Variants in KHDRBS3 observed in about 807,000 individuals in gnomAD.
The protein encoded by KHDRBS3 is KH RNA binding domain containing, signal transduction associated 3, also known as KH domain-containing, RNA-binding, signal transduction-associated protein 3.
Under a neutral mutation model 45.6 loss-of-function variants are expected in KHDRBS3, and 23 were observed. The observed-to-expected ratio is 0.50, with a 90% confidence interval of 0.36 to 0.72. The LOEUF is 0.72. KHDRBS3 is among the 30% of genes least tolerant of loss of function. The probability of loss-of-function intolerance (pLI) is 0.00; values close to 1 mark genes in which losing one functional copy is unlikely to be tolerated. For missense variants in KHDRBS3, 352 were observed against 424.8 expected, an observed-to-expected ratio of 0.83 and a Z score of 1.51; for synonymous variants, 162 against 156.5, an observed-to-expected ratio of 1.04 and a Z score of -0.26.
At chr8:135,489,659 C>T (rs1368537148) in intron 1 of KHDRBS3, among the ~76,000 whole-genome samples, 1 of 151,746 alleles carries the variant, frequency 6.6e-6, no homozygotes, top group African/African-American at 2.4e-5. Flanking sequence ...TCTGGCCTGG[C>T]GACAGAGCGA....
downstream of KHDRBS3, among the ~76,000 whole-genome samples, chr8:135,650,763 A>T (rs1014795230): frequency 6.6e-6 from 1 of 152,178 alleles, no homozygotes; most frequent in Non-Finnish European, 1.5e-5. Context: ...TATCTCACAC[A>T]ACACTGAGCA....
chr8:135,623,111 CTTCATGCAAAGAATTGTCA>C (rs1369659663), intron 7 of KHDRBS3, among the ~76,000 whole-genome samples: 1 of 152,180 alleles, frequency 6.6e-6, no homozygotes, highest in Non-Finnish European at 1.5e-5. Flanking sequence ...AGTTTCAATA[CTTCATGCAAAGAATTGTCA>C]TTAAAATTAC....
chr8:135,534,560 G>A lies in KHDRBS3; in HGVS notation c.208-8094G>A, dbSNP rs117972225. Among the ~76,000 whole-genome samples, 20 of 152,232 alleles carry A rather than the reference G, an allele frequency of 1.3e-4. No homozygotes were observed. The East Asian group carries it at 2.5e-3, about 19-fold the overall frequency. ...CTTCTCAACTTAGGAAAAAGAAGGC[G>A]ACAGGCAGGTAGCTAGCCAGGCCTT... On this transcript the variant is annotated intron_variant, in intron 2 of 8. Coordinates refer to ENST00000355849, the MANE Select transcript of KHDRBS3 (RefSeq NM_006558.3).
chr8:135,533,843 G>C (rs963192245), intron 2 of KHDRBS3, among the ~76,000 whole-genome samples: 1 of 152,072 alleles, frequency 6.6e-6, no homozygotes, highest in Non-Finnish European at 1.5e-5. Flanking sequence ...AAATATGTTC[G>C]GAACACTCAA....
At position 135,482,962 on chromosome 8, in the gene KHDRBS3, A is replaced by AAAGAAACGT. The variant is rs770616336; in HGVS notation, c.88+25009_88+25010insAGAAACGTA. Among the ~76,000 whole-genome samples the AAAGAAACGT allele has an allele frequency of 6.1e-3, 928 of 152,322 alleles. 3 individuals carry two copies. Among genetic ancestry groups the AAAGAAACGT allele is most frequent in the Non-Finnish European group, 0.011 (725 of 68,026 alleles). ...TTTTTCATAAGGCTGTTTCCATCAG[A>AAAGAAACGT]ACATCTAGGAAAGAACGATGTACGT... On this transcript the variant is annotated intron_variant, in intron 1 of 8. Transcript: ENST00000355849.
intron 5 of KHDRBS3, among the ~76,000 whole-genome samples, chr8:135,570,270 A>G (rs1827637834): frequency 6.6e-6 from 1 of 152,230 alleles, no homozygotes; most frequent in Non-Finnish European, 1.5e-5. Flanking sequence ...CGTAAACACC[A>G]AAGTGTTACA....
intron 1 of KHDRBS3, among the ~76,000 whole-genome samples, chr8:135,466,002 C>G (rs369165465): frequency 1.3e-5 from 2 of 152,270 alleles, no homozygotes; most frequent in East Asian, 3.9e-4. Flanking sequence ...TGTTCTTTCT[C>G]TGCTTCAATG....
intron 3 of KHDRBS3, 122 bp downstream of exon 3, chr8:135,542,892 T>C (rs1382759343): frequency 4.4e-6 from 3 of 679,872 alleles, no homozygotes; most frequent in Non-Finnish European, 7.5e-6. Context: ...GTTTAGAAAA[T>C]TGAGTCACTC....
At chr8:135,598,847 G>A (rs1442878713) in intron 6 of KHDRBS3, among the ~76,000 whole-genome samples, 1 of 152,138 alleles carries the variant, frequency 6.6e-6, no homozygotes, top group Non-Finnish European at 1.5e-5. Context: ...AACTTTTTAC[G>A]TGTTGAAGTG....
At chr8:135,596,153 A>T (rs564818973) in intron 6 of KHDRBS3, among the ~76,000 whole-genome samples, 63 of 152,318 alleles carry the variant, frequency 4.1e-4, no homozygotes, top group African/African-American at 1.3e-3. Flanking sequence ...GTACATAGCT[A>T]GTATCATTCT....
chr8:135,498,783 T>G (rs1418927603), intron 1 of KHDRBS3, among the ~76,000 whole-genome samples: 1 of 152,202 alleles, frequency 6.6e-6, no homozygotes, highest in African/African-American at 2.4e-5. Context: ...ATATATACTC[T>G]GAAATACGGA....
intron 7 of KHDRBS3, among the ~76,000 whole-genome samples, chr8:135,642,560 T>C (rs1831106214): frequency 1.3e-5 from 2 of 152,192 alleles, no homozygotes; most frequent in African/African-American, 4.8e-5. Flanking sequence ...ACATTGCTAC[T>C]TGGTATATTA....
intron 2 of KHDRBS3, among the ~76,000 whole-genome samples, chr8:135,529,934 C>A (rs956112797): frequency 6.6e-6 from 1 of 151,806 alleles, no homozygotes; most frequent in South Asian, 2.1e-4. Flanking sequence ...GCCTGTAGTC[C>A]CAGCTACTTG....
At chr8:135,623,205 A>G (rs1488062407) in intron 7 of KHDRBS3, among the ~76,000 whole-genome samples, 1 of 152,248 alleles carries the variant, frequency 6.6e-6, no homozygotes, top group Non-Finnish European at 1.5e-5. Context: ...TGCCAGAAAA[A>G]AATAAGCGAT....
At chr8:135,519,864 C>T (rs923089973) in intron 1 of KHDRBS3, among the ~76,000 whole-genome samples, 2 of 152,288 alleles carry the variant, frequency 1.3e-5, no homozygotes, top group East Asian at 3.9e-4. Context: ...TATTATGAAG[C>T]CCATTGGCTG....
chr8:135,600,134 C>T (rs549467620), intron 6 of KHDRBS3, among the ~76,000 whole-genome samples: 15 of 152,304 alleles, frequency 9.8e-5, no homozygotes, highest in African/African-American at 3.6e-4. Context: ...CTGTGAGAGG[C>T]TTAGGAATTT....
At chr8:135,644,607 A>G (rs1390988475) in intron 7 of KHDRBS3, among the ~76,000 whole-genome samples, 1 of 152,214 alleles carries the variant, frequency 6.6e-6, no homozygotes, top group Admixed American at 6.5e-5. Context: ...CCTTCTGTAA[A>G]CATCCCATCT....
chr8:135,463,099 T>C lies in KHDRBS3; in HGVS notation c.88+5145T>C, dbSNP rs186984323. ...CACATAACACCTGGTGCTCTTACGG[T>C]GTGATCCTCATCACACTGCTTTGTT... On this transcript the variant is annotated intron_variant, in intron 1 of 8. Coordinates refer to ENST00000355849, the MANE Select transcript of KHDRBS3 (RefSeq NM_006558.3). Among the ~76,000 whole-genome samples the C allele has an allele frequency of 8.5e-5, 13 of 152,282 alleles. No individual in the cohort carries two copies. The East Asian group carries it at 2.1e-3, about 25-fold the overall frequency.
chr8:135,640,205 A>G (rs1167463780), intron 7 of KHDRBS3, among the ~76,000 whole-genome samples: 1 of 152,154 alleles, frequency 6.6e-6, no homozygotes, highest in Non-Finnish European at 1.5e-5. Flanking sequence ...ACAAAGAGCA[A>G]CGTAGTGATT....
Sources: gnomAD v4.1 joint callset for allele counts (sites outside exome capture counted in the v4.1 genomes callset) on GRCh38, gnomAD v4.1.1 for gene constraint, MANE v1.5 for transcripts, NCBI Gene and HGNC (gene_info 2026-07-23, HGNC 2026-07-21) for gene names.